PDE10A: variants seen among roughly 807,000 people sequenced by gnomAD.
The protein encoded by PDE10A is phosphodiesterase 10A, also known as cAMP and cAMP-inhibited cGMP 3',5'-cyclic phosphodiesterase 10A.
PDE10A carries 39 observed loss-of-function variants against 97.7 expected under a neutral mutation model. The ratio of observed to expected loss-of-function variants is 0.40; its 90% CI spans 0.31 to 0.52. The LOEUF (loss-of-function observed/expected upper bound fraction) is 0.52. PDE10A is among the 20% of genes least tolerant of loss of function. The pLI is 0.56. For missense variants in PDE10A, 731 were observed against 1,047.8 expected (o/e 0.70, Z 4.17); for synonymous variants, 371 against 376.8 (o/e 0.98, Z 0.18).
intron 1 of PDE10A, among the ~76,000 whole-genome samples, chr6:165,585,380 C>T (rs775071270): frequency 6.6e-6 from 1 of 152,164 alleles, no homozygotes; most frequent in Non-Finnish European, 1.5e-5. Flanking sequence ...CAAGGTGTTG[C>T]TGTGAAGGTA....
chr6:165,955,126 A>G (rs772334303), intron 1 of PDE10A, among the ~76,000 whole-genome samples: 1 of 151,798 alleles, frequency 6.6e-6, no homozygotes, highest in Non-Finnish European at 1.5e-5. Flanking sequence ...ACTGATCCAC[A>G]CGCGTAGAAA....
At chr6:165,690,383 T>C (rs986036784) in intron 1 of PDE10A, among the ~76,000 whole-genome samples, 1 of 152,220 alleles carries the variant, frequency 6.6e-6, no homozygotes, top group Non-Finnish European at 1.5e-5. Flanking sequence ...CTCAAATTCT[T>C]ACGGCAAATG....
At chr6:165,430,082 A>G (rs888933908) in intron 9 of PDE10A, among the ~76,000 whole-genome samples, 5 of 152,138 alleles carry the variant, frequency 3.3e-5, no homozygotes, top group Admixed American at 3.3e-4. Context: ...CATCACATAT[A>G]TATCTGCAAT....
At chr6:165,489,162 A>G (rs1404899199) in intron 2 of PDE10A, among the ~76,000 whole-genome samples, 2 of 152,098 alleles carry the variant, frequency 1.3e-5, no homozygotes, top group Non-Finnish European at 2.9e-5. Flanking sequence ...TGCACTAAAC[A>G]AAAACACAAC....
chr6:165,656,258 TCACACACACA>T (rs3083000), intron 1 of PDE10A, among the ~76,000 whole-genome samples: 34,756 of 129,726 alleles, frequency 0.27, 5,379 homozygotes, highest in Middle Eastern at 0.37. Flanking sequence ...TCTCTCTCTC[TCACACACACA>T]CACACACACA....
intron 1 of PDE10A, among the ~76,000 whole-genome samples, chr6:165,958,332 C>T (rs1562326793): frequency 6.6e-6 from 1 of 151,924 alleles, no homozygotes; most frequent in Non-Finnish European, 1.5e-5. Context: ...CCAGCAGTTA[C>T]AAATAATTAC....
intron 1 of PDE10A, among the ~76,000 whole-genome samples, chr6:165,564,740 C>T (rs938437011): frequency 2.0e-5 from 3 of 152,078 alleles, no homozygotes; most frequent in Admixed American, 6.6e-5. Context: ...TGTCTGGCAC[C>T]GAATACATCT....
At chr6:165,928,120 T>C (rs1783002857) in intron 1 of PDE10A, among the ~76,000 whole-genome samples, 2 of 151,806 alleles carry the variant, frequency 1.3e-5, no homozygotes, top group East Asian at 1.9e-4. Flanking sequence ...AAACACTATG[T>C]ATACACTATA....
chr6:165,579,790 C>A (rs1785510267), intron 1 of PDE10A, among the ~76,000 whole-genome samples: 1 of 152,194 alleles, frequency 6.6e-6, no homozygotes, highest in Non-Finnish European at 1.5e-5. Flanking sequence ...TCTGACCTTG[C>A]ACAAACTAGG....
At chr6:165,874,924 G>C (rs1781294140) in intron 1 of PDE10A, among the ~76,000 whole-genome samples, 3 of 152,034 alleles carry the variant, frequency 2.0e-5, no homozygotes, top group African/African-American at 4.8e-5. Flanking sequence ...AAGGACACTG[G>C]GTCAGTAGGG....
At chr6:165,959,700 G>T (rs1353780479) in intron 1 of PDE10A, among the ~76,000 whole-genome samples, 1 of 152,128 alleles carries the variant, frequency 6.6e-6, no homozygotes, top group Admixed American at 6.5e-5. Flanking sequence ...CCCAGGGGAG[G>T]CTCTTCTGCT....
intron 1 of PDE10A, among the ~76,000 whole-genome samples, chr6:165,652,153 C>G (rs928684671): frequency 6.6e-6 from 1 of 152,154 alleles, no homozygotes; most frequent in African/African-American, 2.4e-5. Context: ...AACTTCTGGT[C>G]CTGGGACACC....
intron 2 of PDE10A, among the ~76,000 whole-genome samples, chr6:165,528,874 G>C (rs1343515939): frequency 6.6e-6 from 1 of 152,166 alleles, no homozygotes; most frequent in African/African-American, 2.4e-5. Context: ...CTGGGGCAAA[G>C]TTCTCCAGAA....
chr6:165,769,515 TTGTC>T (rs1322791735), intron 1 of PDE10A, among the ~76,000 whole-genome samples: 5 of 152,198 alleles, frequency 3.3e-5, no homozygotes, highest in Non-Finnish European at 7.3e-5. Context: ...CACTTCCTCT[TTGTC>T]TGCCAAAGAA....
At chr6:165,772,407 C>A (rs1051790326) in intron 1 of PDE10A, among the ~76,000 whole-genome samples, 17 of 152,178 alleles carry the variant, frequency 1.1e-4, no homozygotes, top group Non-Finnish European at 2.2e-4. Context: ...TCCTTCCAAG[C>A]CCCATTGTTT....
At chr6:165,479,130 G>A (rs1248084757) in intron 3 of PDE10A, among the ~76,000 whole-genome samples, 1 of 152,100 alleles carries the variant, frequency 6.6e-6, no homozygotes, top group African/African-American at 2.4e-5. Flanking sequence ...AACAGGTCTT[G>A]GATACTTTTT....
At chr6:165,833,230 T>C (rs954897247) in intron 1 of PDE10A, among the ~76,000 whole-genome samples, 1 of 152,200 alleles carries the variant, frequency 6.6e-6, no homozygotes, top group Non-Finnish European at 1.5e-5. Context: ...TTCTCTTTAT[T>C]GTATGGCGTT....
At chr6:165,570,984 T>C (rs1346819915) in intron 1 of PDE10A, among the ~76,000 whole-genome samples, 1 of 152,140 alleles carries the variant, frequency 6.6e-6, no homozygotes, top group Non-Finnish European at 1.5e-5. Flanking sequence ...GGGTTACAAA[T>C]CAATTTTAGT....
intron 2 of PDE10A, among the ~76,000 whole-genome samples, chr6:165,541,509 T>C (rs1783436793): frequency 6.6e-6 from 1 of 152,200 alleles, no homozygotes. Flanking sequence ...TTAGTTTTTA[T>C]GGTAGCACTA....
Sources: gnomAD v4.1 joint callset for allele counts (sites outside exome capture counted in the v4.1 genomes callset) on GRCh38, gnomAD v4.1.1 for gene constraint, MANE v1.5 for transcripts, NCBI Gene and HGNC (gene_info 2026-07-23, HGNC 2026-07-21) for gene names.